The following GALNT18 variants were observed in gnomAD, a reference collection of about 807,000 sequenced individuals.
GALNT18 encodes GalNAc-transferase 18.
A neutral mutation model predicts 69.5 loss-of-function variants in GALNT18; 44 were observed. The observed-to-expected ratio is 0.63, with a 90% CI of 0.50 to 0.81. The LOEUF (loss-of-function observed/expected upper bound fraction) is 0.81. Ranked by LOEUF, GALNT18 falls within the 40% of genes least tolerant of loss-of-function variation. GALNT18 has a pLI of 0.00. For missense variants in GALNT18, 715 were observed against 810.0 expected (o/e 0.88, Z 1.42); for synonymous variants, 364 against 318.2 (o/e 1.14, Z -1.53).
Position 11,459,789 on chromosome 11 carries a change from A to G in GALNT18, c.236-10853T>C, listed in dbSNP as rs1368310894. 6.6e-6 allele frequency among the ~76,000 whole-genome samples: 1 copy of G among 152,216 alleles called. No individual in the cohort carries two copies. Among genetic ancestry groups the G allele is most frequent in the Admixed American group, 6.5e-5 (1 of 15,282 alleles). ...AGTTTCCTATGGTGCTCTAGCAAAA[A>G]CCACAAACTTAGTAGCTTGACAATG... On this transcript the variant is annotated intron_variant, in intron 1 of 10. Transcript: ENST00000227756. The surrounding 1 kb of genome is among the most constrained non-coding windows in gnomAD (Gnocchi z 5.0).
intron 5 of GALNT18, among the ~76,000 whole-genome samples, chr11:11,375,493 C>G (rs146047309): frequency 5.3e-5 from 8 of 152,326 alleles, no homozygotes; most frequent in Non-Finnish European, 8.8e-5. Context: ...TTCCTTCCAA[C>G]AGCATTCATC....
chr11:11,525,515 C>T (rs1031649703), intron 1 of GALNT18, among the ~76,000 whole-genome samples: 10 of 151,770 alleles, frequency 6.6e-5, no homozygotes, highest in African/African-American at 2.2e-4. Context: ...GAGTAATACA[C>T]AGAATACAGG....
intron 6 of GALNT18, among the ~76,000 whole-genome samples, chr11:11,364,761 T>C (rs780558459): frequency 1.1e-4 from 16 of 152,260 alleles, no homozygotes; most frequent in Non-Finnish European, 1.9e-4. Flanking sequence ...ATTGTGGCCA[T>C]GGTTCTTTAA....
At chr11:11,420,252 C>T (rs935951993) in intron 3 of GALNT18, among the ~76,000 whole-genome samples, 33 of 152,112 alleles carry the variant, frequency 2.2e-4, no homozygotes, top group African/African-American at 7.5e-4. Flanking sequence ...GACCCTCAGA[C>T]CCAGTCATTT....
rs1848811504 is a variant in GALNT18, at chr11:11,270,917, C to T, written c.*227G>A. Reference sequence around the variant, plus strand: ...TTTATTGTCAGTTATAAATATTTTCCATCTGTCCCCTATTTACAACTGCAA... The same window carrying T: ...TTTATTGTCAGTTATAAATATTTTCTATCTGTCCCCTATTTACAACTGCAA... On this transcript the variant is annotated 3_prime_UTR_variant, in exon 11 of 11. Coordinates refer to ENST00000227756, the MANE Select transcript of GALNT18 (RefSeq NM_198516.3). 3 of 428,830 alleles carry T rather than the reference C, an allele frequency of 7.0e-6. No homozygotes were observed. Among genetic ancestry groups the T allele is most frequent in the East Asian group, 3.3e-5 (1 of 30,420 alleles). The allele number at this position is 428,830 out of a possible 1,614,324, so 26.6% of individuals were successfully genotyped here.
Position 11,584,172 on chromosome 11 carries a change from T to C in GALNT18, c.235+37187A>G, listed in dbSNP as rs1160591118. Among the ~76,000 whole-genome samples the C allele has an allele frequency of 6.6e-6, 1 of 151,880 alleles. No individual in the cohort carries two copies. The highest frequency in any genetic ancestry group is 1.9e-4 in the East Asian group (1 of 5,158). ...TTCCAGGGAACTTGGTTCCAAATGGTAGGACAAGTGGGCCAGCGGCAATAA... is the reference window on the plus strand; with the variant it reads ...TTCCAGGGAACTTGGTTCCAAATGGCAGGACAAGTGGGCCAGCGGCAATAA... On this transcript the variant is annotated intron_variant, in intron 1 of 10. Transcript: ENST00000227756. This position sits in a 1 kb window ranked among gnomAD's most constrained non-coding sequence, Gnocchi z 4.1.
chr11:11,368,626 G>A (rs368226557), intron 6 of GALNT18, among the ~76,000 whole-genome samples: 3 of 151,958 alleles, frequency 2.0e-5, no homozygotes, highest in South Asian at 2.1e-4. Flanking sequence ...TCATGTAGCC[G>A]TTCTGCCCAT....
chr11:11,440,570 C>G (rs1447081815), intron 2 of GALNT18, among the ~76,000 whole-genome samples: 1 of 152,186 alleles, frequency 6.6e-6, no homozygotes, highest in Non-Finnish European at 1.5e-5. Context: ...CCTCTGACGC[C>G]CAGAATTCTG....
chr11:11,595,197 C>A lies in GALNT18; in HGVS notation c.235+26162G>T, dbSNP rs1859470682. ...TGCCCCAAAATTCATATGTTGAAAT[C>A]TAATCACCAAGGTGATGTCTTTAGA... On this transcript the variant is annotated intron_variant, in intron 1 of 10. Coordinates refer to ENST00000227756, the MANE Select transcript of GALNT18 (RefSeq NM_198516.3). The surrounding 1 kb of genome is among the most constrained non-coding windows in gnomAD (Gnocchi z 5.2). 6.6e-6 allele frequency among the ~76,000 whole-genome samples: 1 copy of A among 152,064 alleles called. No individual in the cohort carries two copies. Among genetic ancestry groups the A allele is most frequent in the African/African-American group, 2.4e-5 (1 of 41,396 alleles).
rs145466460 is a variant in GALNT18 at position 11,337,276 on chromosome 11, G to A, written c.1278+3543C>T. On this transcript the variant is annotated intron_variant, in intron 7 of 10. Transcript: ENST00000227756. The surrounding 1 kb of genome is among the most constrained non-coding windows in gnomAD (Gnocchi z 4.9). ...CCAGCAAACTCACTCATTAATAAGC[G>A]TTAGCAAGGCGTCACCAAGCTCTTA... Among the ~76,000 whole-genome samples, 985 of 152,280 alleles carry A rather than the reference G, an allele frequency of 6.5e-3. 3 individuals carry two copies. Among genetic ancestry groups the A allele is most frequent in the Non-Finnish European group, 0.01 (685 of 68,024 alleles).
chr11:11,464,892 A>G (rs970569278), intron 1 of GALNT18, among the ~76,000 whole-genome samples: 3 of 152,214 alleles, frequency 2.0e-5, no homozygotes, highest in African/African-American at 7.2e-5. Context: ...GAATAAGTTA[A>G]TAACAGAGCC....
At position 11,356,157 on chromosome 11, in the gene GALNT18, T is replaced by C. The variant is rs1033814976; in HGVS notation, c.1093-15153A>G. 2.0e-5 allele frequency among the ~76,000 whole-genome samples: 3 copies of C among 152,198 alleles called. No individual in the cohort carries two copies. The highest frequency in any genetic ancestry group is 7.2e-5 in the African/African-American group (3 of 41,450). On this transcript the variant is annotated intron_variant, in intron 6 of 10. Transcript: ENST00000227756. This position sits in a 1 kb window ranked among gnomAD's most constrained non-coding sequence, Gnocchi z 4.4. Reference sequence around the variant, plus strand: ...GAACATTTGTATTTGGAGATGCCCCTGACCCCTCCTTCTGCAACTTCAGAT... The same window carrying C: ...GAACATTTGTATTTGGAGATGCCCCCGACCCCTCCTTCTGCAACTTCAGAT...
rs1370146898 is a variant in GALNT18, at chr11:11,382,268, T to C, written c.596-3004A>G. On this transcript the variant is annotated intron_variant, in intron 3 of 10. Coordinates refer to ENST00000227756, the MANE Select transcript of GALNT18 (RefSeq NM_198516.3). This position sits in a 1 kb window ranked among gnomAD's most constrained non-coding sequence, Gnocchi z 4.3. ...AAAGAAGAAACAAAATGCCTTGAAG[T>C]ACCCTAGATGATACTGGCTCTGTCT... is the stretch of plus-strand genomic sequence containing the variant. Among the ~76,000 whole-genome samples, 2 of 152,202 alleles carry C rather than the reference T, an allele frequency of 1.3e-5. No individual in the cohort carries two copies. The highest frequency in any genetic ancestry group is 4.8e-5 in the African/African-American group (2 of 41,444).
At chr11:11,520,169 G>A (rs999269692) in intron 1 of GALNT18, among the ~76,000 whole-genome samples, 1 of 152,252 alleles carries the variant, frequency 6.6e-6, no homozygotes, top group African/African-American at 2.4e-5. Flanking sequence ...ATGCCCTGCA[G>A]GCACTGTTCT....
At chr11:11,294,773 T>C (rs1227004874) in intron 9 of GALNT18, among the ~76,000 whole-genome samples, 1 of 152,122 alleles carries the variant, frequency 6.6e-6, no homozygotes, top group Non-Finnish European at 1.5e-5. Flanking sequence ...TGAGCCATGG[T>C]TCCCAGTCAG....
rs10741543 is a variant in GALNT18 at position 11,315,982 on chromosome 11, T to A, written c.1512+11104A>T. 6.6e-6 allele frequency among the ~76,000 whole-genome samples: 1 copy of A among 151,836 alleles called. No individual in the cohort carries two copies. Among genetic ancestry groups the A allele is most frequent in the Non-Finnish European group, 1.5e-5 (1 of 67,986 alleles). On this transcript the variant is annotated intron_variant, in intron 9 of 10. Transcript: ENST00000227756. The surrounding 1 kb of genome is among the most constrained non-coding windows in gnomAD (Gnocchi z 5.6). ...CATCACTCTGTACTGACATGAATGG[T>A]GGCCCCTGGAACCGTGCGAGGTGAC...
chr11:11,407,529 T>A (rs1048660799), intron 3 of GALNT18, among the ~76,000 whole-genome samples: 4 of 152,156 alleles, frequency 2.6e-5, no homozygotes, highest in African/African-American at 9.7e-5. Flanking sequence ...TCAGCCCCAT[T>A]TATTATTATT....
At chr11:11,568,368 C>G (rs1320909366) in intron 1 of GALNT18, among the ~76,000 whole-genome samples, 1 of 152,078 alleles carries the variant, frequency 6.6e-6, no homozygotes, top group Non-Finnish European at 1.5e-5. Context: ...CTCCTATCAC[C>G]CACCTAACAA....
rs1857452133 is a variant in GALNT18, at chr11:11,523,681, T to C, written c.236-74745A>G. 6.7e-6 allele frequency among the ~76,000 whole-genome samples: 1 copy of C among 149,502 alleles called. No homozygotes were observed. Among genetic ancestry groups the C allele is most frequent in the African/African-American group, 2.5e-5 (1 of 40,380 alleles). On this transcript the variant is annotated intron_variant, in intron 1 of 10. Transcript: ENST00000227756. This position sits in a 1 kb window ranked among gnomAD's most constrained non-coding sequence, Gnocchi z 4.3. ...TTGCAGTGAGCCGAGATCGCACCAC[T>C]GCACTCCAGCCTGGGCAACAGAGCG...
Sources: gnomAD v4.1 joint callset for allele counts (sites outside exome capture counted in the v4.1 genomes callset) on GRCh38, gnomAD v4.1.1 for gene constraint, Gnocchi (gnomAD v3.1) non-coding constraint, MANE v1.5 for transcripts, NCBI Gene and HGNC (gene_info 2026-07-23, HGNC 2026-07-21) for gene names.